SGF29: variants seen among roughly 807,000 people sequenced by gnomAD.
SGF29 encodes the protein SAGA-associated factor 29.
SGF29 carries 15 observed loss-of-function variants against 38.1 expected under a neutral mutation model. That is an observed-to-expected ratio of 0.39 (90% CI 0.26 to 0.61). The LOEUF is 0.61. SGF29 is among the 20% of genes least tolerant of loss of function. The probability of loss-of-function intolerance (pLI) is 0.49; values close to 1 mark genes in which losing one functional copy is unlikely to be tolerated. For synonymous variants in SGF29, 151 were observed against 160.8 expected, an observed-to-expected ratio of 0.94 and a Z score of 0.46; for missense variants, 184 against 394.6, an observed-to-expected ratio of 0.47 and a Z score of 4.52.
intron 1 of SGF29, among the ~76,000 whole-genome samples, chr16:28,554,628 G>C (rs1352014953): frequency 6.6e-6 from 1 of 152,180 alleles, no homozygotes; most frequent in Non-Finnish European, 1.5e-5. Flanking sequence ...CCCGTCTTAA[G>C]AACAACAAAA....
At chr16:28,582,070 G>C (rs1322701005) in intron 2 of SGF29, among the ~76,000 whole-genome samples, 1 of 152,158 alleles carries the variant, frequency 6.6e-6, no homozygotes, top group South Asian at 2.1e-4. Flanking sequence ...GCTACACAAG[G>C]ATCAGTTTGC....
At chr16:28,561,056 A>G in intron 1 of SGF29, among the ~76,000 whole-genome samples, 1 of 152,114 alleles carries the variant, frequency 6.6e-6, no homozygotes, top group Non-Finnish European at 1.5e-5. Flanking sequence ...AATCAAAATA[A>G]TTAGTTAAAA....
At chr16:28,567,571 G>A (rs1285946441) in intron 1 of SGF29, among the ~76,000 whole-genome samples, 1 of 152,198 alleles carries the variant, frequency 6.6e-6, no homozygotes, top group Non-Finnish European at 1.5e-5. Flanking sequence ...TAGAGACTGA[G>A]TTTTGACGTT....
chr16:28,589,950 C>A, intron 5 of SGF29, 146 bp from the exon 6 acceptor site: 1 of 1,166,266 alleles, frequency 8.6e-7, no homozygotes. Flanking sequence ...GACACATGGC[C>A]GATGGGGTCA....
Position 28,590,070 on chromosome 16 carries a change from C to G in SGF29, c.290-26C>G, listed in dbSNP as rs781511958. 1 of 1,602,744 alleles carries G rather than the reference C, an allele frequency of 6.2e-7. No individual in the cohort carries two copies. The highest frequency in any genetic ancestry group is 8.5e-7 in the Non-Finnish European group (1 of 1,175,248). On this transcript the variant is annotated intron_variant, in intron 5 of 9. Transcript: ENST00000317058. This position sits in a 1 kb window ranked among gnomAD's most constrained non-coding sequence, Gnocchi z 8.2. ...TCAAGGCCGGCACCTATCCCTGGGG[C>G]CTCAGGCCTCCCTTCCTTCCCACAG...
chr16:28,554,232 G>A (rs1047820027), intron 1 of SGF29, 135 bp downstream of exon 1: 10 of 151,980 alleles, frequency 6.6e-5, no homozygotes, highest in Admixed American at 3.9e-4. Flanking sequence ...CTCTGGGCGG[G>A]AGGGGGGCGG....
intron 1 of SGF29, among the ~76,000 whole-genome samples, chr16:28,576,990 A>G (rs1264415297): frequency 1.3e-5 from 2 of 152,084 alleles, no homozygotes; most frequent in Non-Finnish European, 2.9e-5. Flanking sequence ...CCTGGCTAAC[A>G]TGTCGAAACC....
At chr16:28,564,537 ATG>A (rs1555474731) in intron 1 of SGF29, among the ~76,000 whole-genome samples, 1 of 107,410 alleles carries the variant, frequency 9.3e-6, no homozygotes, top group Non-Finnish European at 1.9e-5. Context: ...GTATATATAT[ATG>A]TATATATATA....
intron 1 of SGF29, among the ~76,000 whole-genome samples, chr16:28,574,629 T>C (rs1474635458): frequency 6.6e-6 from 1 of 152,198 alleles, no homozygotes; most frequent in African/African-American, 2.4e-5. Context: ...TCAGCCAGGA[T>C]TCCTGCTTTA....
chr16:28,564,737 G>GTACA (rs1555474918), intron 1 of SGF29, among the ~76,000 whole-genome samples: 2 of 11,340 alleles, frequency 1.8e-4, no homozygotes, highest in Non-Finnish European at 4.0e-4. Flanking sequence ...ACATATATAT[G>GTACA]TATATATGTA....
At chr16:28,572,978 C>T (rs2046873726) in intron 1 of SGF29, among the ~76,000 whole-genome samples, 1 of 152,136 alleles carries the variant, frequency 6.6e-6, no homozygotes, top group South Asian at 2.1e-4. Flanking sequence ...CAGCTGTACT[C>T]CCAGACAGAG....
chr16:28,591,471 T>G, intron 9 of SGF29, 119 bp from the exon 10 acceptor site: 1 of 741,660 alleles, frequency 1.3e-6, no homozygotes, highest in Non-Finnish European at 2.4e-6. Context: ...GAGTGAAGGA[T>G]GTTAGGAGTG....
In SGF29 at chr16:28,590,982, G is replaced by T; in HGVS notation, c.765+47G>T. On this transcript the variant is annotated intron_variant, in intron 9 of 9. Coordinates refer to ENST00000317058, the MANE Select transcript of SGF29 (RefSeq NM_138414.3). This position sits in a 1 kb window ranked among gnomAD's most constrained non-coding sequence, Gnocchi z 8.2. ...AGGCCATGGGTGATGTCAGGAACAG[G>T]CTGATCAGACAGACGAGGGGTCCTC... The T allele has an allele frequency of 1.3e-6, 2 of 1,547,746 alleles. No homozygotes were observed. Among genetic ancestry groups the T allele is most frequent in the Non-Finnish European group, 1.7e-6 (2 of 1,143,520 alleles).
chr16:28,564,711 A>G (rs749939188), intron 1 of SGF29, among the ~76,000 whole-genome samples: 4,760 of 93,288 alleles, frequency 0.051, 387 homozygotes, highest in Middle Eastern at 0.15. Flanking sequence ...ATATATACAT[A>G]TATATGTATA....
chr16:28,591,458 CCA>C (rs1307743644), intron 9 of SGF29, 130 bp from the exon 10 acceptor site: 1 of 710,962 alleles, frequency 1.4e-6, no homozygotes, highest in Non-Finnish European at 2.5e-6. Flanking sequence ...CTTCTTGACC[CCA>C]GAGTGAAGGA....
chr16:28,582,791 C>T (rs1487599002), intron 2 of SGF29, among the ~76,000 whole-genome samples: 3 of 151,880 alleles, frequency 2.0e-5, no homozygotes, highest in Non-Finnish European at 2.9e-5. Context: ...AAAAATTAGC[C>T]GGGCGTGGTG....
intron 1 of SGF29, 107 bp downstream of exon 1, chr16:28,554,204 AG>A (rs1260036204): frequency 8.3e-6 from 1 of 120,412 alleles, no homozygotes; most frequent in Non-Finnish European, 1.7e-5. Flanking sequence ...GCGGCGCTCT[AG>A]GGGCGGTGCG....
chr16:28,567,670 A>G (rs897202215), intron 1 of SGF29, among the ~76,000 whole-genome samples: 3 of 152,330 alleles, frequency 2.0e-5, no homozygotes, highest in African/African-American at 4.8e-5. Context: ...AGAAAGCCTC[A>G]GTCTTCTTAG....
chr16:28,570,955 G>C (rs2046861440), intron 1 of SGF29, among the ~76,000 whole-genome samples: 1 of 152,048 alleles, frequency 6.6e-6, no homozygotes, highest in Non-Finnish European at 1.5e-5. Flanking sequence ...TTTCTATTTG[G>C]GGCCATTGGG....
Sources: allele counts gnomAD v4.1 joint callset (sites outside exome capture counted in the v4.1 genomes callset), GRCh38; gene constraint gnomAD v4.1.1; non-coding constraint Gnocchi (gnomAD v3.1); transcripts MANE v1.5; gene names NCBI Gene and HGNC (gene_info 2026-07-23, HGNC 2026-07-21).